HK1: variants seen among roughly 807,000 people sequenced by gnomAD.
The protein encoded by HK1 is hexokinase-1.
HK1 carries 28 observed loss-of-function variants against 91.6 expected under a neutral mutation model. The ratio of observed to expected loss-of-function variants is 0.31; its 90% CI spans 0.23 to 0.42. The LOEUF (loss-of-function observed/expected upper bound fraction) is 0.42, where lower values mean the gene tolerates loss of function less well. HK1 is among the 10% of genes least tolerant of loss of function. The pLI is 1.00. For synonymous variants in HK1, 430 were observed against 468.1 expected (o/e 0.92, Z 1.05); for missense variants, 770 against 1,219.8 (o/e 0.63, Z 5.49).
intron 17 of HK1, among the ~76,000 whole-genome samples, chr10:69,399,154 C>T (rs770572020): frequency 2.6e-5 from 4 of 152,126 alleles, no homozygotes; most frequent in Admixed American, 6.5e-5. Flanking sequence ...TGGGCTCACT[C>T]ATAAGCCTGG....
chr10:69,358,317 T>C (rs1849236074), intron 2 of HK1, among the ~76,000 whole-genome samples: 1 of 152,240 alleles, frequency 6.6e-6, no homozygotes, highest in Non-Finnish European at 1.5e-5. Context: ...CATGGCCGCC[T>C]GCCTTTGCTG....
chr10:69,360,824 C>T lies in HK1; in HGVS notation c.375+779C>T, dbSNP rs1014816468. 5.3e-5 allele frequency among the ~76,000 whole-genome samples: 8 copies of T among 152,304 alleles called. 1 individual carries two copies. The highest frequency in any genetic ancestry group is 6.5e-5 in the Admixed American group (1 of 15,300). On this transcript the variant is annotated intron_variant, in intron 3 of 17. Transcript: ENST00000359426. The stretch of plus-strand genomic sequence containing the variant: ...TCAGTCATTTCTGGGTCCCTAAGCC[C>T]GTCGTGGGGCAAGGTGCACTCCTCC...
chr10:69,401,046 T>C lies in HK1; in HGVS notation c.2665T>C (p.Ser889Pro), dbSNP rs1840364231. The change falls in exon 18 of 18, where the codon TCC (serine) becomes CCC (proline). Residue 889 changes from serine (S) to proline (P), a missense_variant. Around this residue, in one of 7 missense-constraint regions of HK1, gnomAD observed 78 missense variants for 99.0 expected, o/e 0.79. Transcript: ENST00000359426. ...GGAACTGTCACCAAAATGTAACGTGTCCTTCCTCCTGTCTGAGGATGGCAG... is the reference window on the plus strand; with the variant it reads ...GGAACTGTCACCAAAATGTAACGTGCCCTTCCTCCTGTCTGAGGATGGCAG... ...VKELSPKCNV[S>P]FLLSEDGSGK... is the part of the protein sequence containing the mutation. 5 of 1,614,220 alleles carry C rather than the reference T, an allele frequency of 3.1e-6. No homozygotes were observed. The East Asian group carries it at 1.1e-4, about 36-fold the overall frequency.
chr10:69,295,105 G>A (rs779055037), intron 3 of HK1, among the ~76,000 whole-genome samples: 8 of 151,132 alleles, frequency 5.3e-5, no homozygotes, highest in Non-Finnish European at 8.8e-5. Flanking sequence ...CTCATCTTTC[G>A]CAGACCCTGC....
chr10:69,295,053 CA>C (rs1190644487), intron 3 of HK1, among the ~76,000 whole-genome samples: 4,137 of 116,952 alleles, frequency 0.035, 60 homozygotes, highest in Middle Eastern at 0.088. Context: ...GACCCTGTCT[CA>C]AAAAAAAAAA....
At chr10:69,349,883 A>G (rs1848759735) in intron 2 of HK1, among the ~76,000 whole-genome samples, 1 of 152,238 alleles carries the variant, frequency 6.6e-6, no homozygotes, top group Admixed American at 6.5e-5. Flanking sequence ...TGTTTAAGAA[A>G]AAAAGAGAAT....
At chr10:69,317,999 G>A, upstream of HK1, 6 of 967,456 alleles carry the variant, frequency 6.2e-6, no homozygotes, top group Non-Finnish European at 7.4e-6. Flanking sequence ...CGTGCCCCAA[G>A]TCCCAGTGGG....
chr10:69,401,613 G>A lies in HK1; in HGVS notation c.*478G>A, dbSNP rs1760471929. On this transcript the variant is annotated 3_prime_UTR_variant, in exon 18 of 18. Transcript: ENST00000359426. ...GGCGAGTGTGGGCATAGCATTAGCTGCTTCCTCCCCTCCTGGCACCCACTG... is the reference window on the plus strand; with the variant it reads ...GGCGAGTGTGGGCATAGCATTAGCTACTTCCTCCCCTCCTGGCACCCACTG... 2.5e-6 allele frequency: 1 copy of A among 395,878 alleles called. No homozygotes were observed. Among genetic ancestry groups the A allele is most frequent in the Non-Finnish European group, 5.0e-6 (1 of 201,592 alleles). 24.5% of individuals were successfully genotyped at this position (395,878 alleles called of 1,614,324 possible).
At chr10:69,362,679 T>C (rs1270663174) in intron 3 of HK1, among the ~76,000 whole-genome samples, 1 of 152,162 alleles carries the variant, frequency 6.6e-6, no homozygotes, top group Non-Finnish European at 1.5e-5. Context: ...GGGAATCCAT[T>C]TGAGTTCTGC....
At chr10:69,377,219 C>T in intron 8 of HK1, 130 bp downstream of exon 8, 1 of 1,069,758 alleles carries the variant, frequency 9.3e-7, no homozygotes, top group South Asian at 1.4e-5. Flanking sequence ...GGGTCCGTGT[C>T]CTCTCACTCT....
intron 5 of HK1, among the ~76,000 whole-genome samples, chr10:69,304,295 TTTATTTATTTATTTA>T (rs1846007465): frequency 6.7e-6 from 1 of 149,552 alleles, no homozygotes. Flanking sequence ...TATTTATTTA[TTTATTTATTTATTTA>T]TTTATTTATT....
rs1018018465 is a variant in HK1, at chr10:69,386,425, A to G, written c.1935+7A>G. Reference sequence around the variant, plus strand: ...TGCGATAAAAAGGAGAGAGGTAACTATTAAAAGAATGTTTTTTAAAATCTT... The same window carrying G: ...TGCGATAAAAAGGAGAGAGGTAACTGTTAAAAGAATGTTTTTTAAAATCTT... On this transcript the variant is annotated splice_region_variant and intron_variant, in intron 13 of 17. Coordinates refer to ENST00000359426, the MANE Select transcript of HK1 (RefSeq NM_000188.3). 5 of 1,594,578 alleles carry G rather than the reference A, an allele frequency of 3.1e-6. No individual in the cohort carries two copies. Among genetic ancestry groups the G allele is most frequent in the Non-Finnish European group, 4.3e-6 (5 of 1,162,388 alleles).
chr10:69,349,785 G>T (rs961345191), intron 2 of HK1, among the ~76,000 whole-genome samples: 4 of 152,118 alleles, frequency 2.6e-5, no homozygotes, highest in Admixed American at 2.6e-4. Flanking sequence ...AGGGCAAGTG[G>T]GTATTTGGGG....
rs755744806 is a variant in HK1, at chr10:69,369,397, C to T, written c.692-44C>T. 9.9e-6 allele frequency: 16 copies of T among 1,613,816 alleles called. No individual in the cohort carries two copies. The highest frequency in any genetic ancestry group is 2.2e-5 in the South Asian group (2 of 91,084). On this transcript the variant is annotated intron_variant, in intron 6 of 17. Transcript: ENST00000359426. The surrounding 1 kb of genome is among the most constrained non-coding windows in gnomAD (Gnocchi z 4.4). ...CCCATCTTTCCAGGTGGCTCTGCACCCTCCCCGTTGTGTGGTCATAGCTTC... is the reference window on the plus strand; with the variant it reads ...CCCATCTTTCCAGGTGGCTCTGCACTCTCCCCGTTGTGTGGTCATAGCTTC...
At chr10:69,274,801 G>A (rs1844351582) in intron 1 of HK1, among the ~76,000 whole-genome samples, 2 of 152,078 alleles carry the variant, frequency 1.3e-5, no homozygotes, top group South Asian at 4.2e-4. Context: ...CTATGCATTT[G>A]AAGCTTCTCC....
chr10:69,298,377 C>T (rs1333852322), intron 4 of HK1, among the ~76,000 whole-genome samples: 1 of 151,648 alleles, frequency 6.6e-6, no homozygotes, highest in East Asian at 1.9e-4. Flanking sequence ...CCTGTAATAC[C>T]AGTGCTTTAA....
At chr10:69,387,601 C>G (rs1159691563) in intron 13 of HK1, among the ~76,000 whole-genome samples, 1 of 152,096 alleles carries the variant, frequency 6.6e-6, no homozygotes, top group Non-Finnish European at 1.5e-5. Context: ...CCATGCTGGT[C>G]TTGAACTCCT....
chr10:69,332,954 G>A (rs559523508), intron 1 of HK1, among the ~76,000 whole-genome samples: 66 of 152,268 alleles, frequency 4.3e-4, no homozygotes, highest in Middle Eastern at 3.4e-3. Context: ...CTTGGATTGT[G>A]TGAGAGCTCC....
chr10:69,316,289 C>A (rs370021550), upstream of HK1, among the ~76,000 whole-genome samples: 77 of 152,116 alleles, frequency 5.1e-4, 1 homozygote, highest in South Asian at 0.015. Context: ...AAGGAGAGGG[C>A]CATGAAGGGA....
Sources: gnomAD v4.1 joint callset for allele counts (sites outside exome capture counted in the v4.1 genomes callset) on GRCh38, gnomAD v4.1.1 for gene constraint, gnomAD v4.1.1 regional missense constraint, Gnocchi (gnomAD v3.1) non-coding constraint, MANE v1.5 for transcripts, NCBI Gene and HGNC (gene_info 2026-07-23, HGNC 2026-07-21) for gene names.